Variants in RIMS3 observed in about 807,000 individuals in gnomAD.
The protein encoded by RIMS3 is regulating synaptic membrane exocytosis 3, also known as regulating synaptic membrane exocytosis protein 3.
In RIMS3, 15 loss-of-function variants were observed where a neutral mutation model predicts 29.2. The observed-to-expected ratio is 0.51, with a 90% CI of 0.34 to 0.79. The LOEUF is 0.79. Ranked by LOEUF, RIMS3 falls within the 30% of genes least tolerant of loss-of-function variation. The probability of loss-of-function intolerance (pLI) is 0.01; values close to 1 mark genes in which losing one functional copy is unlikely to be tolerated. For synonymous variants in RIMS3, 161 were observed against 170.1 expected, an observed-to-expected ratio of 0.95 and a Z score of 0.41; for missense variants, 342 against 421.4, an observed-to-expected ratio of 0.81 and a Z score of 1.65.
chr1:40,686,535 T>C, the RIMS3 span, among the ~76,000 whole-genome samples: 2 of 152,074 alleles, frequency 1.3e-5, no homozygotes, highest in Non-Finnish European at 2.9e-5. Flanking sequence ...CTGGTGCCTG[T>C]AGTCCCACAT....
rs1646416261 is a variant in RIMS3, at chr1:40,620,799, C to A, written c.*5718G>T. 1 of 152,684 alleles carries A rather than the reference C, an allele frequency of 6.5e-6. No homozygotes were observed. Among genetic ancestry groups the A allele is most frequent in the South Asian group, 2.1e-4 (1 of 4,836 alleles). 9.5% of individuals were successfully genotyped at this position (152,684 alleles called of 1,614,324 possible). On this transcript the variant is annotated 3_prime_UTR_variant, in exon 8 of 8. Coordinates refer to ENST00000372684, the MANE Select transcript of RIMS3 (RefSeq NM_014747.3). Reference sequence around the variant, plus strand: ...AATGTTGTACGAAACAGCCGGCAGTCCCTCCCAGCTGTGCACCTGCCACCC... The same window carrying A: ...AATGTTGTACGAAACAGCCGGCAGTACCTCCCAGCTGTGCACCTGCCACCC...
In RIMS3 at chr1:40,631,501, C is replaced by T. The variant is rs144473350; in HGVS notation, c.472+1568G>A. Among the ~76,000 whole-genome samples, 1,001 of 152,200 alleles carry T rather than the reference C, an allele frequency of 6.6e-3. 15 individuals carry two copies. Among genetic ancestry groups the T allele is most frequent in the African/African-American group, 0.023 (952 of 41,492 alleles). On this transcript the variant is annotated intron_variant, in intron 5 of 7. Transcript: ENST00000372684. ...CAGCCTGGGCAACATGGTGAAACCC[C>T]GTCTCTACTAAAATACAAAGAAAAA...
chr1:40,655,158 G>GT (rs1226648277), intron 1 of RIMS3, among the ~76,000 whole-genome samples: 1 of 152,180 alleles, frequency 6.6e-6, no homozygotes, highest in Non-Finnish European at 1.5e-5. Context: ...AAAGCGGGGA[G>GT]TAGGGGAAGA....
At chr1:40,678,281 G>A in the RIMS3 span, among the ~76,000 whole-genome samples, 10 of 152,292 alleles carry the variant, frequency 6.6e-5, no homozygotes, top group African/African-American at 2.4e-4. Context: ...AGTGGCGCAC[G>A]CCTGTAATCC....
chr1:40,629,065 C>T, intron 6 of RIMS3, 116 bp from the exon 7 acceptor site: 2 of 1,346,774 alleles, frequency 1.5e-6, no homozygotes, highest in East Asian at 2.3e-5. Flanking sequence ...AATGAGCCAG[C>T]CAGTGGACAG....
the RIMS3 span, among the ~76,000 whole-genome samples, chr1:40,688,571 A>C: frequency 0.78 from 119,423 of 152,142 alleles, 47,502 homozygotes; most frequent in African/African-American, 0.9. Flanking sequence ...GAACTAGAAT[A>C]CTCTAGGTGG....
At chr1:40,631,700 C>G (rs1249473621) in intron 5 of RIMS3, among the ~76,000 whole-genome samples, 2 of 151,192 alleles carry the variant, frequency 1.3e-5, no homozygotes, top group Non-Finnish European at 2.9e-5. Flanking sequence ...TAAATGGCAG[C>G]CAGGTACAGT....
rs1225750176 is a variant in RIMS3 at position 40,621,007 on chromosome 1, C to T, written c.*5510G>A. On this transcript the variant is annotated 3_prime_UTR_variant, in exon 8 of 8. Transcript: ENST00000372684. ...TTCTTGCCTTCTGTGAGTTTACATG[C>T]TAAAGGAGTTGGTTGAGCTATCAGG... is the stretch of plus-strand genomic sequence containing the variant. The T allele has an allele frequency of 6.6e-6, 1 of 152,420 alleles. No homozygotes were observed. Among genetic ancestry groups the T allele is most frequent in the Non-Finnish European group, 1.5e-5 (1 of 68,044 alleles). The allele number at this position is 152,420 out of a possible 1,614,324, so 9.4% of individuals were successfully genotyped here. A position where few individuals can be genotyped will look rare whatever the true frequency, so the allele number is the denominator to read the frequency against.
chr1:40,624,515 C>T lies in RIMS3; in HGVS notation c.*2002G>A, dbSNP rs993096332. 6.6e-6 allele frequency: 1 copy of T among 152,174 alleles called. No homozygotes were observed. Among genetic ancestry groups the T allele is most frequent in the Non-Finnish European group, 1.5e-5 (1 of 68,066 alleles). 9.4% of individuals were successfully genotyped at this position (152,174 alleles called of 1,614,324 possible). The stretch of plus-strand genomic sequence containing the variant: ...GAAAATTCAGCCCAGTGGCCTCCTC[C>T]CCATCTCTATGCACCCAATGGTCCC... On this transcript the variant is annotated 3_prime_UTR_variant, in exon 8 of 8. Transcript: ENST00000372684.
At chr1:40,657,956 A>G (rs1457138509) in intron 1 of RIMS3, among the ~76,000 whole-genome samples, 3 of 152,158 alleles carry the variant, frequency 2.0e-5, no homozygotes, top group Admixed American at 2.0e-4. Context: ...TAAAATGGGA[A>G]TAATAATAGT....
At chr1:40,676,212 C>T in the RIMS3 span, among the ~76,000 whole-genome samples, 1 of 152,182 alleles carries the variant, frequency 6.6e-6, no homozygotes, top group African/African-American at 2.4e-5. Context: ...CCTGACTCTA[C>T]TGTGTTATCT....
the RIMS3 span, among the ~76,000 whole-genome samples, chr1:40,684,759 A>T: frequency 6.6e-6 from 1 of 152,216 alleles, no homozygotes; most frequent in Non-Finnish European, 1.5e-5. Context: ...TAGAGGAAGG[A>T]AGGGAAGAGT....
In RIMS3 at chr1:40,626,346, G is replaced by A. The variant is rs679663; in HGVS notation, c.*171C>T. On this transcript the variant is annotated 3_prime_UTR_variant, in exon 8 of 8. Coordinates refer to ENST00000372684, the MANE Select transcript of RIMS3 (RefSeq NM_014747.3). ...CACGTACACACACACACACACGCAC[G>A]CACACACGCACACACTACAGTCTCC... The A allele has an allele frequency of 0.12, 80,373 of 669,200 alleles. 5,611 individuals are homozygous for A. The highest frequency in any genetic ancestry group is 0.19 in the African/African-American group (10,955 of 56,416). The allele number at this position is 669,200 out of a possible 1,614,324, so 41.5% of individuals were successfully genotyped here.
intron 2 of RIMS3, among the ~76,000 whole-genome samples, chr1:40,644,061 T>TA (rs560726899): frequency 2.7e-5 from 4 of 150,918 alleles, no homozygotes; most frequent in African/African-American, 7.3e-5. Flanking sequence ...ACAAGAAAGG[T>TA]GGGGGGCTCT....
chr1:40,666,248 C>T (rs527873286), upstream of RIMS3, among the ~76,000 whole-genome samples: 7 of 152,288 alleles, frequency 4.6e-5, no homozygotes, highest in Non-Finnish European at 1.0e-4. Context: ...CTCTCTACTT[C>T]TAGAGCAATG....
At chr1:40,651,986 G>A (rs187012264) in intron 1 of RIMS3, among the ~76,000 whole-genome samples, 29 of 152,132 alleles carry the variant, frequency 1.9e-4, no homozygotes, top group Non-Finnish European at 3.7e-4. Context: ...ATTCCTCCTC[G>A]TGTCACTAAA....
At chr1:40,683,644 C>T in the RIMS3 span, among the ~76,000 whole-genome samples, 13 of 149,282 alleles carry the variant, frequency 8.7e-5, no homozygotes, top group Non-Finnish European at 1.8e-4. Flanking sequence ...TAAGATACTA[C>T]CTGTAGCTAT....
At chr1:40,643,790 C>T (rs537829399) in intron 2 of RIMS3, among the ~76,000 whole-genome samples, 8 of 152,092 alleles carry the variant, frequency 5.3e-5, no homozygotes, top group Non-Finnish European at 1.2e-4. Flanking sequence ...AAGCATCTTT[C>T]TACATGGATT....
In RIMS3 at chr1:40,628,961, G is replaced by C; in HGVS notation, c.575-12C>G. On this transcript the variant is annotated splice_polypyrimidine_tract_variant and intron_variant, in intron 6 of 7. Transcript: ENST00000372684. ...CTTGATATAGGTGGCTAAGGGAGGA[G>C]AGAATGTATGACAGGGAGGGGTCCA... is the stretch of plus-strand genomic sequence containing the variant. The C allele has an allele frequency of 6.2e-7, 1 of 1,612,742 alleles. No individual in the cohort carries two copies.
Sources: allele counts gnomAD v4.1 joint callset (sites outside exome capture counted in the v4.1 genomes callset), GRCh38; gene constraint gnomAD v4.1.1; transcripts MANE v1.5; gene names NCBI Gene and HGNC (gene_info 2026-07-23, HGNC 2026-07-21).